The following PTPRT variants were observed in gnomAD, a reference collection of about 807,000 sequenced individuals.
The protein encoded by PTPRT is receptor-type tyrosine-protein phosphatase T.
Under a neutral mutation model 176.8 loss-of-function variants are expected in PTPRT, and 56 were observed. The ratio of observed to expected loss-of-function variants is 0.32; its 90% CI spans 0.26 to 0.40. The LOEUF (loss-of-function observed/expected upper bound fraction) is 0.40. PTPRT is among the 10% of genes least tolerant of loss of function. The pLI is 1.00. For missense variants in PTPRT, 1,540 were observed against 1,908.2 expected (o/e 0.81, Z 3.60); for synonymous variants, 783 against 739.0 (o/e 1.06, Z -0.96).
intron 16 of PTPRT, among the ~76,000 whole-genome samples, chr20:42,169,793 A>ACACACACACAC (rs1568638865): frequency 0.013 from 871 of 67,118 alleles, 18 homozygotes; most frequent in African/African-American, 0.028. Flanking sequence ...CACACACACA[A>ACACACACACAC]CAGTCAGTAT....
At chr20:42,877,611 A>C (rs908788746) in intron 2 of PTPRT, among the ~76,000 whole-genome samples, 4 of 152,194 alleles carry the variant, frequency 2.6e-5, no homozygotes, top group Admixed American at 2.6e-4. Flanking sequence ...TAATAAGAGC[A>C]AATCATCTAA....
intron 7 of PTPRT, among the ~76,000 whole-genome samples, chr20:42,666,911 T>C (rs2075326357): frequency 6.6e-6 from 1 of 152,236 alleles, no homozygotes; most frequent in African/African-American, 2.4e-5. Context: ...AGCTTGTTTT[T>C]TCAGTTAAGT....
chr20:42,506,996 A>G (rs2071857164), intron 7 of PTPRT, among the ~76,000 whole-genome samples: 4 of 152,168 alleles, frequency 2.6e-5, no homozygotes, highest in Admixed American at 2.6e-4. Context: ...TTGAAAGTAG[A>G]CAGAAGTGCA....
At chr20:42,511,313 A>G (rs1399409389) in intron 7 of PTPRT, among the ~76,000 whole-genome samples, 1 of 152,132 alleles carries the variant, frequency 6.6e-6, no homozygotes, top group South Asian at 2.1e-4. Flanking sequence ...AATAATAATA[A>G]ACTCTTGATA....
intron 7 of PTPRT, among the ~76,000 whole-genome samples, chr20:42,515,982 T>C (rs2072058538): frequency 6.7e-6 from 1 of 149,096 alleles, no homozygotes; most frequent in African/African-American, 2.5e-5. Flanking sequence ...GAAATCATCA[T>C]TCTCAGTAAA....
intron 7 of PTPRT, among the ~76,000 whole-genome samples, chr20:42,501,892 T>C (rs2071756886): frequency 6.6e-6 from 1 of 152,106 alleles, no homozygotes; most frequent in South Asian, 2.1e-4. Context: ...GTGGTTTTGA[T>C]ATCAAAATAT....
intron 11 of PTPRT, among the ~76,000 whole-genome samples, chr20:42,327,145 T>C (rs2145421255): frequency 1.3e-5 from 2 of 151,832 alleles, no homozygotes; most frequent in Middle Eastern, 3.4e-3. Flanking sequence ...TAATTTTATG[T>C]ATAAAATTAC....
chr20:42,982,239 T>C (rs1378483869), intron 1 of PTPRT, among the ~76,000 whole-genome samples: 2 of 152,224 alleles, frequency 1.3e-5, no homozygotes, highest in Non-Finnish European at 1.5e-5. Context: ...AGCATCATTA[T>C]GCTGCCGGCA....
the PTPRT span, among the ~76,000 whole-genome samples, chr20:42,055,089 A>T: frequency 6.6e-6 from 1 of 152,204 alleles, no homozygotes; most frequent in East Asian, 1.9e-4. Flanking sequence ...AGTATAATAA[A>T]AAAAAAAGTT....
chr20:42,436,419 T>C (rs952926728), intron 9 of PTPRT, among the ~76,000 whole-genome samples: 1 of 152,002 alleles, frequency 6.6e-6, no homozygotes, highest in Non-Finnish European at 1.5e-5. Flanking sequence ...TGAACAGATA[T>C]CCCACAGAAA....
chr20:42,905,463 T>C (rs1199377297), intron 1 of PTPRT, among the ~76,000 whole-genome samples: 6 of 152,216 alleles, frequency 3.9e-5, no homozygotes, highest in South Asian at 2.1e-4. Flanking sequence ...TTTTACACTG[T>C]TGGTGGGAGT....
chr20:42,772,864 T>C (rs1400122446), intron 4 of PTPRT, among the ~76,000 whole-genome samples: 1 of 152,254 alleles, frequency 6.6e-6, no homozygotes, highest in Non-Finnish European at 1.5e-5. Flanking sequence ...GCATGCTCTA[T>C]CTAATTTAAC....
rs1346568477 is a variant in PTPRT, at chr20:42,925,719, G to A, written c.89-39787C>T. Among the ~76,000 whole-genome samples the A allele has an allele frequency of 2.0e-5, 3 of 152,160 alleles. No individual in the cohort carries two copies. In the East Asian group the frequency reaches 5.8e-4, roughly 29 times the overall value. On this transcript the variant is annotated intron_variant, in intron 1 of 30. Transcript: ENST00000373187. Reference sequence around the variant, plus strand: ...TGCCCCCTTGGGTTTCTGATTCAGTGGGTCCGGGGAGGGGCCTGAGAATCT... The same window carrying A: ...TGCCCCCTTGGGTTTCTGATTCAGTAGGTCCGGGGAGGGGCCTGAGAATCT...
chr20:42,253,895 C>T (rs1028408074), intron 13 of PTPRT, among the ~76,000 whole-genome samples: 3 of 152,172 alleles, frequency 2.0e-5, no homozygotes, highest in Admixed American at 6.5e-5. Context: ...CTATTCTTTC[C>T]CCAAATGCCA....
At chr20:42,659,264 A>G (rs904812491) in intron 7 of PTPRT, among the ~76,000 whole-genome samples, 1 of 152,164 alleles carries the variant, frequency 6.6e-6, no homozygotes, top group African/African-American at 2.4e-5. Flanking sequence ...TTAATAGCTC[A>G]TCCCCATAGG....
At chr20:42,765,649 T>C (rs1198312986) in intron 5 of PTPRT, among the ~76,000 whole-genome samples, 1 of 152,044 alleles carries the variant, frequency 6.6e-6, no homozygotes, top group Non-Finnish European at 1.5e-5. Flanking sequence ...ATGTATTTCA[T>C]GGAGTTATAG....
intron 1 of PTPRT, among the ~76,000 whole-genome samples, chr20:42,980,407 C>A (rs981031015): frequency 6.6e-6 from 1 of 152,190 alleles, no homozygotes; most frequent in African/African-American, 2.4e-5. Context: ...ATTCGTGACC[C>A]CTTCTTGCTC....
chr20:43,084,553 G>T (rs2011553227), intron 1 of PTPRT, among the ~76,000 whole-genome samples: 1 of 152,108 alleles, frequency 6.6e-6, no homozygotes, highest in African/African-American at 2.4e-5. Flanking sequence ...CCAATCACCT[G>T]CCACCAGGTC....
intron 7 of PTPRT, among the ~76,000 whole-genome samples, chr20:42,580,144 C>G (rs909125267): frequency 1.3e-5 from 2 of 152,172 alleles, no homozygotes; most frequent in African/African-American, 4.8e-5. Flanking sequence ...TTCCCAGCAC[C>G]ATCTATTAAA....
Sources: gnomAD v4.1 joint callset for allele counts (sites outside exome capture counted in the v4.1 genomes callset) on GRCh38, gnomAD v4.1.1 for gene constraint, MANE v1.5 for transcripts, NCBI Gene and HGNC (gene_info 2026-07-23, HGNC 2026-07-21) for gene names.